PKM: variants seen among roughly 807,000 people sequenced by gnomAD.
PKM encodes pyruvate kinase PKM.
In PKM, 18 loss-of-function variants were observed where a neutral mutation model predicts 49.8. The ratio of observed to expected loss-of-function variants is 0.36; its 90% CI spans 0.25 to 0.54. The LOEUF is 0.54. Among genes scored for constraint, PKM ranks in the 20% least tolerant of loss-of-function variants. The pLI is 0.89. For synonymous variants in PKM, 239 were observed against 261.8 expected, an observed-to-expected ratio of 0.91 and a Z score of 0.84; for missense variants, 508 against 713.8, an observed-to-expected ratio of 0.71 and a Z score of 3.28.
Position 72,202,427 on chromosome 15 carries a change from T to C in PKM, c.1307+27A>G. 1 of 1,606,002 alleles carries C rather than the reference T, an allele frequency of 6.2e-7. No homozygotes were observed. Among genetic ancestry groups the C allele is most frequent in the Non-Finnish European group, 8.5e-7 (1 of 1,176,724 alleles). The stretch of plus-strand genomic sequence containing the variant: ...AGGTGAGGTACCACTGAGCAGGGCA[T>C]TCCAGGGAGCCGCTGCCGCCTCCTA... On this transcript the variant is annotated intron_variant, in intron 9 of 10. Coordinates refer to ENST00000335181, the MANE Select transcript of PKM (RefSeq NM_002654.6). The surrounding 1 kb of genome is among the most constrained non-coding windows in gnomAD (Gnocchi z 4.5).
chr15:72,202,816 T>G lies in PKM; in HGVS notation c.1141-196A>C. 1 of 705,896 alleles carries G rather than the reference T, an allele frequency of 1.4e-6. No homozygotes were observed. Among genetic ancestry groups the G allele is most frequent in the Non-Finnish European group, 2.4e-6 (1 of 408,806 alleles). 43.7% of individuals were successfully genotyped at this position (705,896 alleles called of 1,614,324 possible). The stretch of plus-strand genomic sequence containing the variant: ...ATCAAGACTCCACAGAAACCAGTCC[T>G]TCACCAAGTGCCTGTGACATCTACT... On this transcript the variant is annotated intron_variant, in intron 8 of 10. Coordinates refer to ENST00000335181, the MANE Select transcript of PKM (RefSeq NM_002654.6). This position sits in a 1 kb window ranked among gnomAD's most constrained non-coding sequence, Gnocchi z 4.5.
At chr15:72,203,945 C>G (rs2082008711) in intron 8 of PKM, 1 of 152,108 alleles carries the variant, frequency 6.6e-6, no homozygotes, top group Non-Finnish European at 1.5e-5. Flanking sequence ...CAGATAAGAC[C>G]AAGAATCAGA....
chr15:72,202,732 G>T lies in PKM; in HGVS notation c.1141-112C>A. On this transcript the variant is annotated intron_variant, in intron 8 of 10. Coordinates refer to ENST00000335181, the MANE Select transcript of PKM (RefSeq NM_002654.6). The surrounding 1 kb of genome is among the most constrained non-coding windows in gnomAD (Gnocchi z 4.5). ...TCACCGGACAGCTGGTGAGGAACAT[G>T]TTCCTGGGAACAAAGGCCAAGAGGA... The T allele has an allele frequency of 1.0e-6, 1 of 978,554 alleles. No homozygotes were observed. Among genetic ancestry groups the T allele is most frequent in the Non-Finnish European group, 1.6e-6 (1 of 637,906 alleles). 60.6% of individuals were successfully genotyped at this position (978,554 alleles called of 1,614,324 possible).
chr15:72,218,171 C>G (rs1186600869), intron 2 of PKM, among the ~76,000 whole-genome samples: 1 of 151,674 alleles, frequency 6.6e-6, no homozygotes, highest in Non-Finnish European at 1.5e-5. Context: ...GTTGCCAAGG[C>G]TGGAGTGCAA....
chr15:72,228,261 G>T (rs1044060399), intron 1 of PKM, among the ~76,000 whole-genome samples: 1 of 152,056 alleles, frequency 6.6e-6, no homozygotes, highest in African/African-American at 2.4e-5. Context: ...GGCCAGGAAT[G>T]AAGCTGCACA....
chr15:72,226,017 C>T (rs769594951), intron 1 of PKM, among the ~76,000 whole-genome samples: 2 of 152,166 alleles, frequency 1.3e-5, no homozygotes, highest in East Asian at 1.9e-4. Flanking sequence ...GTTTGCCCAT[C>T]GGTGACATTT....
intron 3 of PKM, among the ~76,000 whole-genome samples, chr15:72,211,214 C>T (rs1213323376): frequency 6.6e-6 from 1 of 151,998 alleles, no homozygotes; most frequent in East Asian, 1.9e-4. Flanking sequence ...ACTGCAGGCG[C>T]CCACCACCAC....
intron 8 of PKM, among the ~76,000 whole-genome samples, chr15:72,205,201 C>T (rs1664730435): frequency 6.6e-6 from 1 of 152,036 alleles, no homozygotes; most frequent in African/African-American, 2.4e-5. Flanking sequence ...GCAACCTCAA[C>T]CTCCTGGGTT....
chr15:72,205,043 T>G (rs1053467631), intron 8 of PKM, among the ~76,000 whole-genome samples: 1 of 152,002 alleles, frequency 6.6e-6, no homozygotes. Flanking sequence ...AATGGTGAGG[T>G]GTCAGCCAGG....
In PKM at chr15:72,205,624, GTTT is replaced by G. The variant is rs140232218; in HGVS notation, c.1140+1101_1140+1103del. ...ATGCCCAGACCAGATGGGTGTTTTAGTTTTTTTTTTTTTTTTTTTTTTCTGTTT... is the reference window on the plus strand; with the variant it reads ...ATGCCCAGACCAGATGGGTGTTTTAGTTTTTTTTTTTTTTTTTTTCTGTTT... On this transcript the variant is annotated intron_variant, in intron 8 of 10. Coordinates refer to ENST00000335181, the MANE Select transcript of PKM (RefSeq NM_002654.6). Among the ~76,000 whole-genome samples, 569 of 99,726 alleles carry G rather than the reference GTTT, an allele frequency of 5.7e-3. 2 individuals carry two copies. Among genetic ancestry groups the G allele is most frequent in the African/African-American group, 0.012 (344 of 27,780 alleles). The allele number at this position is 99,726 out of a possible 152,430, so 65.4% of individuals were successfully genotyped here. A position where few individuals can be genotyped will look rare whatever the true frequency, so the allele number is the denominator to read the frequency against.
chr15:72,202,704 G>A lies in PKM; in HGVS notation c.1141-84C>T, dbSNP rs1194774812. The A allele has an allele frequency of 9.3e-6, 11 of 1,188,892 alleles. No homozygotes were observed. Among genetic ancestry groups the A allele is most frequent in the African/African-American group, 1.5e-5 (1 of 66,272 alleles). The allele number at this position is 1,188,892 out of a possible 1,614,324, so 73.6% of individuals were successfully genotyped here. On this transcript the variant is annotated intron_variant, in intron 8 of 10. Transcript: ENST00000335181. The surrounding 1 kb of genome is among the most constrained non-coding windows in gnomAD (Gnocchi z 4.5). ...TGTCACAAAAGGAGAGGGAGGGGAA[G>A]AGTCACCGGACAGCTGGTGAGGAAC...
chr15:72,211,009 T>C (rs1313727544), intron 3 of PKM, among the ~76,000 whole-genome samples: 3 of 152,006 alleles, frequency 2.0e-5, no homozygotes, highest in Non-Finnish European at 2.9e-5. Context: ...AAGCTAACAG[T>C]GGCCCAAGCT....
chr15:72,217,513 GTT>G lies in PKM; in HGVS notation c.155-15_155-14del. ...CGGGAAGCTGGGCCTATTAGGAAAAGTTTTAAAGCCACAAGTATTAATTATTC... is the reference window on the plus strand; with the variant it reads ...CGGGAAGCTGGGCCTATTAGGAAAAGTTAAAGCCACAAGTATTAATTATTC... On this transcript the variant is annotated splice_polypyrimidine_tract_variant and intron_variant, in intron 2 of 10. Coordinates refer to ENST00000335181, the MANE Select transcript of PKM (RefSeq NM_002654.6). 1 of 1,494,508 alleles carries G rather than the reference GTT, an allele frequency of 6.7e-7. No individual in the cohort carries two copies. The highest frequency in any genetic ancestry group is 9.3e-7 in the Non-Finnish European group (1 of 1,071,138). 92.6% of individuals were successfully genotyped at this position (1,494,508 alleles called of 1,614,324 possible). A position where few individuals can be genotyped will look rare whatever the true frequency, so the allele number is the denominator to read the frequency against.
intron 4 of PKM, chr15:72,210,130 G>GT (rs1181981204): frequency 7.6e-6 from 5 of 659,336 alleles, no homozygotes; most frequent in African/African-American, 3.7e-5. Context: ...GGTTTTTAGG[G>GT]TAAAAAAAAA....
rs1461364241 is a variant in PKM, at chr15:72,207,255, T to C, written c.859A>G (p.Ser287Gly). Residue 287 changes from serine to glycine, a missense_variant, in exon 7 of 11, where the codon AGT becomes GGT. Transcript: ENST00000335181. Reference sequence around the variant, plus strand: ...CCACGAGCCACCATGATCCCATCACTGGCCTCCAGGATTTCATCAAACCTG... The same window carrying C: ...CCACGAGCCACCATGATCCCATCACCGGCCTCCAGGATTTCATCAAACCTG... ...VRRFDEILEA[S>G]DGIMVARGDL... 15 of 1,614,044 alleles carry C rather than the reference T, an allele frequency of 9.3e-6. No homozygotes were observed. The highest frequency in any genetic ancestry group is 2.2e-5 in the South Asian group (2 of 91,088).
chr15:72,224,453 A>G (rs1008565057), intron 1 of PKM, among the ~76,000 whole-genome samples: 1 of 152,162 alleles, frequency 6.6e-6, no homozygotes, highest in Admixed American at 6.5e-5. Context: ...AGAGCACTGA[A>G]CTAGTTACTA....
chr15:72,217,477 T>A lies in PKM; in HGVS notation c.178A>T (p.Thr60Ser), dbSNP rs772005964. Residue 60 changes from threonine to serine, a missense_variant, in exon 3 of 11, where the codon ACG becomes TCG. Coordinates refer to ENST00000335181, the MANE Select transcript of PKM (RefSeq NM_002654.6). ...CCAGACTTAATCATCTCCTTCAACG[T>A]CTCCACTGATCGGGAAGCTGGGCCT... Reference protein sequence around the residue: ...TIGPASRSVETLKEMIKSGMN... With the variant: ...TIGPASRSVESLKEMIKSGMN... The A allele has an allele frequency of 6.2e-7, 1 of 1,610,664 alleles. No homozygotes were observed. The highest frequency in any genetic ancestry group is 1.1e-5 in the South Asian group (1 of 91,014).
In PKM at chr15:72,206,856, G is replaced by C. The variant is rs1191322184; in HGVS notation, c.1012C>G (p.Pro338Ala). 1 of 1,614,044 alleles carries C rather than the reference G, an allele frequency of 6.2e-7. No individual in the cohort carries two copies. Reference sequence around the variant, plus strand: ...CTGCCTTCAGCCCGAGTGGGGCGGGGCTTCTTGATCATGCTCTCCAGCATC... The same window carrying C: ...CTGCCTTCAGCCCGAGTGGGGCGGGCCTTCTTGATCATGCTCTCCAGCATC... ...TQMLESMIKK[P>A]RPTRAEGSDV... is the part of the protein sequence containing the mutation. The change falls in exon 8 of 11, where the codon CCC becomes GCC. Residue 338 changes from proline to alanine, a missense_variant. Pro to Ala is a conservative substitution (Grantham distance 27). Transcript: ENST00000335181.
intron 3 of PKM, among the ~76,000 whole-genome samples, chr15:72,213,963 A>T (rs1403968872): frequency 6.6e-6 from 1 of 151,992 alleles, no homozygotes; most frequent in East Asian, 1.9e-4. Flanking sequence ...CTATTTTACT[A>T]TTTTTTCCCC....
Sources: gnomAD v4.1 joint callset for allele counts (sites outside exome capture counted in the v4.1 genomes callset) on GRCh38, gnomAD v4.1.1 for gene constraint, Gnocchi (gnomAD v3.1) non-coding constraint, MANE v1.5 for transcripts, NCBI Gene and HGNC (gene_info 2026-07-23, HGNC 2026-07-21) for gene names.